LRMDA: variants seen among roughly 807,000 people sequenced by gnomAD.
LRMDA encodes the protein leucine rich melanocyte differentiation associated.
Under a neutral mutation model 29.8 loss-of-function variants are expected in LRMDA, and 18 were observed. That is an observed-to-expected ratio of 0.60 (90% CI 0.42 to 0.90). LRMDA has a LOEUF of 0.90. Ranked by LOEUF, LRMDA falls within the 40% of genes least tolerant of loss-of-function variation. The pLI, the probability that LRMDA is intolerant of heterozygous loss-of-function variation, is 0.00. For synonymous variants in LRMDA, 125 were observed against 109.4 expected, an observed-to-expected ratio of 1.14 and a Z score of -0.89; for missense variants, 273 against 273.9, an observed-to-expected ratio of 1.00 and a Z score of 0.02.
chr10:75,624,085 T>A (rs140910016), intron 2 of LRMDA, among the ~76,000 whole-genome samples: 1 of 152,344 alleles, frequency 6.6e-6, no homozygotes, highest in African/African-American at 2.4e-5. Context: ...TGAATAATTC[T>A]GAAAAGTAGA....
At chr10:75,659,124 C>T (rs372880956) in intron 2 of LRMDA, among the ~76,000 whole-genome samples, 4 of 152,182 alleles carry the variant, frequency 2.6e-5, no homozygotes, top group South Asian at 2.1e-4. Flanking sequence ...GGCACATTGC[C>T]GACACAAAGT....
At chr10:75,868,927 C>G (rs545902706) in intron 2 of LRMDA, among the ~76,000 whole-genome samples, 21 of 152,160 alleles carry the variant, frequency 1.4e-4, no homozygotes, top group Admixed American at 3.9e-4. Context: ...GAAAGGACAT[C>G]CTGTCCTCCC....
rs935552908 is a variant in LRMDA, at chr10:75,856,328, T to G, written c.132-179680T>G. 2.6e-5 allele frequency among the ~76,000 whole-genome samples: 4 copies of G among 152,194 alleles called. No individual in the cohort carries two copies. The East Asian group carries it at 7.7e-4, about 29-fold the overall frequency. ...AGGTATTTTATTTTCTTTGAAGCAA[T>G]TGTGAATGGGAGTTCACTCATGATT... On this transcript the variant is annotated intron_variant, in intron 2 of 6. Transcript: ENST00000611255.
chr10:76,043,388 C>T (rs1395571232), intron 3 of LRMDA, among the ~76,000 whole-genome samples: 2 of 152,100 alleles, frequency 1.3e-5, no homozygotes, highest in African/African-American at 4.8e-5. Context: ...TATTCCCCCA[C>T]TGAATCATAA....
intron 2 of LRMDA, among the ~76,000 whole-genome samples, chr10:75,965,408 C>G (rs1405616985): frequency 6.6e-6 from 1 of 152,076 alleles, no homozygotes; most frequent in African/African-American, 2.4e-5. Context: ...GAAATCAATT[C>G]TAAATTATGA....
intron 6 of LRMDA, among the ~76,000 whole-genome samples, chr10:76,459,919 T>TG (rs547440060): frequency 1.0e-3 from 152 of 152,302 alleles, no homozygotes; most frequent in African/African-American, 3.4e-3. Context: ...GAGTGACAGA[T>TG]GTGCACTGAG....
At chr10:75,491,670 T>C (rs1270533625) in intron 2 of LRMDA, among the ~76,000 whole-genome samples, 1 of 152,136 alleles carries the variant, frequency 6.6e-6, no homozygotes, top group Non-Finnish European at 1.5e-5. Flanking sequence ...CTGAGAAACA[T>C]AGACACTTTC....
chr10:76,019,246 T>A (rs1186723538), intron 2 of LRMDA, among the ~76,000 whole-genome samples: 2 of 152,190 alleles, frequency 1.3e-5, no homozygotes, highest in Non-Finnish European at 2.9e-5. Context: ...CTCCTTATTG[T>A]CATATGTGCA....
At chr10:76,123,546 T>G (rs969686844) in intron 5 of LRMDA, among the ~76,000 whole-genome samples, 1 of 152,172 alleles carries the variant, frequency 6.6e-6, no homozygotes, top group Non-Finnish European at 1.5e-5. Context: ...TCAATATATG[T>G]AAAACACAGA....
chr10:75,997,382 T>A (rs2132465494), intron 2 of LRMDA, among the ~76,000 whole-genome samples: 1 of 152,298 alleles, frequency 6.6e-6, no homozygotes, highest in South Asian at 2.1e-4. Flanking sequence ...GAAGAGAGGA[T>A]TATAATATTG....
intron 5 of LRMDA, among the ~76,000 whole-genome samples, chr10:76,200,689 G>A (rs146799855): frequency 8.8e-4 from 133 of 151,286 alleles, no homozygotes; most frequent in African/African-American, 2.9e-3. Flanking sequence ...CCACTTTCAC[G>A]TGTATATTTT....
intron 2 of LRMDA, among the ~76,000 whole-genome samples, chr10:76,018,504 T>C (rs1164464769): frequency 6.6e-6 from 1 of 151,960 alleles, no homozygotes; most frequent in East Asian, 1.9e-4. Context: ...TTTTGGGTAA[T>C]TGCAAGGTAG....
intron 2 of LRMDA, among the ~76,000 whole-genome samples, chr10:75,593,964 T>C (rs894716104): frequency 6.6e-6 from 1 of 152,174 alleles, no homozygotes; most frequent in African/African-American, 2.4e-5. Context: ...TGCCCTGCAG[T>C]GTGTGCTTGA....
chr10:76,274,762 G>A (rs1247466), intron 5 of LRMDA, among the ~76,000 whole-genome samples: 641 of 152,036 alleles, frequency 4.2e-3, no homozygotes, highest in Middle Eastern at 6.8e-3. Context: ...ATATTGGAGC[G>A]GTTTTTACAA....
At chr10:76,210,998 CACAG>C (rs1426101749) in intron 5 of LRMDA, among the ~76,000 whole-genome samples, 6 of 152,376 alleles carry the variant, frequency 3.9e-5, no homozygotes, top group Middle Eastern at 6.8e-3. Flanking sequence ...CTCACCCACT[CACAG>C]ACAGTCTCCT....
chr10:75,606,466 C>G (rs1413830429), intron 2 of LRMDA, among the ~76,000 whole-genome samples: 1 of 152,138 alleles, frequency 6.6e-6, no homozygotes, highest in Non-Finnish European at 1.5e-5. Flanking sequence ...CTCACTGACT[C>G]CCAGTTTCTA....
intron 6 of LRMDA, among the ~76,000 whole-genome samples, chr10:76,329,441 C>A (rs543553023): frequency 1.3e-5 from 2 of 152,050 alleles, no homozygotes; most frequent in Non-Finnish European, 1.5e-5. Context: ...TGAAGATATG[C>A]CATAGTTAGC....
intron 5 of LRMDA, among the ~76,000 whole-genome samples, chr10:76,300,666 A>G (rs1162185516): frequency 2.0e-5 from 3 of 152,204 alleles, no homozygotes; most frequent in Admixed American, 1.3e-4. Context: ...ATTTGCCCCA[A>G]TCCCTTTTTC....
intron 5 of LRMDA, among the ~76,000 whole-genome samples, chr10:76,273,708 G>C (rs1282184126): frequency 6.6e-6 from 1 of 152,164 alleles, no homozygotes; most frequent in African/African-American, 2.4e-5. Context: ...GTGACATGTA[G>C]TTCCCTCTCC....
Sources: gnomAD v4.1 joint callset for allele counts (sites outside exome capture counted in the v4.1 genomes callset) on GRCh38, gnomAD v4.1.1 for gene constraint, MANE v1.5 for transcripts, NCBI Gene and HGNC (gene_info 2026-07-23, HGNC 2026-07-21) for gene names.